Variants in FXR2 observed in about 807,000 individuals in gnomAD.
The protein encoded by FXR2 is FMR1 autosomal homolog 2.
FXR2 carries 9 observed loss-of-function variants against 87.3 expected under a neutral mutation model. That is an observed-to-expected ratio of 0.10 (90% CI 0.06 to 0.18). FXR2 has a LOEUF of 0.18. FXR2 is among the 10% of genes least tolerant of loss of function. The pLI, the probability that FXR2 is intolerant of heterozygous loss-of-function variation, is 1.00. For synonymous variants in FXR2, 331 were observed against 328.3 expected (o/e 1.01, Z -0.09); for missense variants, 661 against 893.6 (o/e 0.74, Z 3.32).
chr17:7,614,408 G>T (rs1194726152), intron 1 of FXR2, 44 bp downstream of exon 1: 1 of 1,388,902 alleles, frequency 7.2e-7, no homozygotes, highest in Non-Finnish European at 9.8e-7. Context: ...CCGGCCAGGG[G>T]AGGGGGCTAA....
At position 7,593,482 on chromosome 17, in the gene FXR2, G is replaced by A; in HGVS notation, c.1251C>T (p.Ser417=). 1 of 1,589,016 alleles carries A rather than the reference G, an allele frequency of 6.3e-7. No individual in the cohort carries two copies. Among genetic ancestry groups the A allele is most frequent in the South Asian group, 1.1e-5 (1 of 87,190 alleles). The change falls in exon 12 of 17, where the codon TCC becomes TCT. Residue 417 remains serine, a synonymous_variant. Transcript: ENST00000250113. This position sits in a 1 kb window ranked among gnomAD's most constrained non-coding sequence, Gnocchi z 6.1. ...CATAGGTTCGAGTCGCATGGAGGGA[G>A]GAGGAGGAGCTCTCATCAGTGCTAT... ...AGYSTDESSS[S]SLHATRTYGG... is the part of the protein sequence containing the mutation.
intron 1 of FXR2, among the ~76,000 whole-genome samples, chr17:7,611,749 A>G (rs2071866777): frequency 6.6e-6 from 1 of 152,102 alleles, no homozygotes. Context: ...ACCTTCCCAA[A>G]TGTACAATTC....
In FXR2 at chr17:7,592,168, G is replaced by C; in HGVS notation, c.1926+86C>G. 6.4e-7 allele frequency: 1 copy of C among 1,557,118 alleles called. No homozygotes were observed. Among genetic ancestry groups the C allele is most frequent in the Non-Finnish European group, 8.7e-7 (1 of 1,145,102 alleles). On this transcript the variant is annotated intron_variant, in intron 16 of 16. Transcript: ENST00000250113. This position sits in a 1 kb window ranked among gnomAD's most constrained non-coding sequence, Gnocchi z 4.8. ...CAGACACAGCTGCCTCTGCAATTCA[G>C]TAGGAGATTTGTGAAATTTTTTGTG... is the stretch of plus-strand genomic sequence containing the variant.
In FXR2 at chr17:7,614,700, G is replaced by T. The variant is rs1597886775; in HGVS notation, c.-168C>A. The T allele has an allele frequency of 3.2e-6, 1 of 312,848 alleles. No individual in the cohort carries two copies. The highest frequency in any genetic ancestry group is 5.4e-5 in the East Asian group (1 of 18,642). 19.4% of individuals were successfully genotyped at this position (312,848 alleles called of 1,614,324 possible). On this transcript the variant is annotated 5_prime_UTR_variant, in exon 1 of 17. Coordinates refer to ENST00000250113, the MANE Select transcript of FXR2 (RefSeq NM_004860.4). ...GCCCTGCCACAGCCAACGAGCAGGG[G>T]GCCGGGGCCGGGCCGCTCCCCGTCC...
At chr17:7,613,699 G>A (rs1012404584) in intron 1 of FXR2, among the ~76,000 whole-genome samples, 10 of 152,174 alleles carry the variant, frequency 6.6e-5, no homozygotes, top group African/African-American at 2.4e-4. Context: ...GCCTCAAGAC[G>A]AAGAAACTAT....
At position 7,592,169 on chromosome 17, in the gene FXR2, T is replaced by C. The variant is rs560797443; in HGVS notation, c.1926+85A>G. ...AGACACAGCTGCCTCTGCAATTCAGTAGGAGATTTGTGAAATTTTTTGTGC... is the reference window on the plus strand; with the variant it reads ...AGACACAGCTGCCTCTGCAATTCAGCAGGAGATTTGTGAAATTTTTTGTGC... On this transcript the variant is annotated intron_variant, in intron 16 of 16. Transcript: ENST00000250113. This position sits in a 1 kb window ranked among gnomAD's most constrained non-coding sequence, Gnocchi z 4.8. The C allele has an allele frequency of 4.8e-5, 75 of 1,554,360 alleles. No individual in the cohort carries two copies. Among genetic ancestry groups the C allele is most frequent in the Non-Finnish European group, 6.1e-5 (70 of 1,143,070 alleles).
intron 6 of FXR2, among the ~76,000 whole-genome samples, chr17:7,602,160 A>G (rs1178018160): frequency 6.6e-6 from 1 of 152,212 alleles, no homozygotes; most frequent in Non-Finnish European, 1.5e-5. Context: ...GTGGTGGCTC[A>G]CGCCTGTGAT....
At chr17:7,596,621 T>C (rs1481201613) in intron 7 of FXR2, 1 of 152,262 alleles carries the variant, frequency 6.6e-6, no homozygotes. Flanking sequence ...AAACAAAACA[T>C]ACTCTGCCTC....
chr17:7,606,009 T>A, intron 2 of FXR2, 88 bp downstream of exon 2: 1 of 862,254 alleles, frequency 1.2e-6, no homozygotes, highest in South Asian at 1.5e-5. Flanking sequence ...CCCAACCTAT[T>A]ACATGCCTCA....
rs2071694403 is a variant in FXR2, at chr17:7,594,814, G to A, written c.832-57C>T. ...AAACAGAAGACCAGCTGGATGTGGT[G>A]GCTCACGCCTGTAATCCCAGCACTT... On this transcript the variant is annotated intron_variant, in intron 8 of 16. Transcript: ENST00000250113. The surrounding 1 kb of genome is among the most constrained non-coding windows in gnomAD (Gnocchi z 5.1). 9.5e-7 allele frequency: 1 copy of A among 1,050,884 alleles called. No homozygotes were observed. The highest frequency in any genetic ancestry group is 1.3e-5 in the South Asian group (1 of 79,948). 65.1% of individuals were successfully genotyped at this position (1,050,884 alleles called of 1,614,324 possible).
intron 7 of FXR2, among the ~76,000 whole-genome samples, chr17:7,597,175 T>C (rs936011343): frequency 1.3e-5 from 2 of 152,076 alleles, no homozygotes; most frequent in African/African-American, 4.8e-5. Flanking sequence ...TCTCAATCAG[T>C]CCTTAGAGGA....
chr17:7,605,543 G>T lies in FXR2; in HGVS notation c.228+102C>A. 5.9e-6 allele frequency: 4 copies of T among 672,992 alleles called. No individual in the cohort carries two copies. The South Asian group carries it at 6.8e-5, about 11-fold the overall frequency. The allele number at this position is 672,992 out of a possible 1,614,324, so 41.7% of individuals were successfully genotyped here. A position where few individuals can be genotyped will look rare whatever the true frequency, so the allele number is the denominator to read the frequency against. ...TACATTTCCATAGGCTACATGGCTG[G>T]ATATGGCTTAGTTGGGGAGGAAGGA... On this transcript the variant is annotated intron_variant, in intron 3 of 16. Transcript: ENST00000250113.
chr17:7,600,794 G>A (rs2071748721), intron 7 of FXR2, among the ~76,000 whole-genome samples: 1 of 152,158 alleles, frequency 6.6e-6, no homozygotes, highest in Non-Finnish European at 1.5e-5. Context: ...TGAGGCGGGA[G>A]AATCGCTTGA....
At chr17:7,613,983 G>A (rs1445087960) in intron 1 of FXR2, 3 of 453,756 alleles carry the variant, frequency 6.6e-6, no homozygotes, top group Non-Finnish European at 1.3e-5. Flanking sequence ...AGAGCCAGTA[G>A]GCAGAGGCCT....
chr17:7,593,989 T>C lies in FXR2; in HGVS notation c.1036A>G (p.Ile346Val), dbSNP rs774047254. Residue 346 changes from isoleucine to valine, a missense_variant, in exon 11 of 17, where the codon ATT becomes GTT. Ile to Val is a conservative substitution (Grantham distance 29). This residue lies in a region of FXR2 where 82 missense variants were observed against 214.4 expected (regional missense o/e 0.38). Transcript: ENST00000250113. The surrounding 1 kb of genome is among the most constrained non-coding windows in gnomAD (Gnocchi z 6.1). ...NPREEGMVPFIFVGTRENISN... is the reference protein window; with the variant it reads ...NPREEGMVPFVFVGTRENISN... ...ATGTTCTCTCGGGTGCCAACAAAAA[T>C]GAAGGGAACCATTCCCTAGAGAACA... 6 of 1,604,310 alleles carry C rather than the reference T, an allele frequency of 3.7e-6. No individual in the cohort carries two copies. The East Asian group carries it at 1.3e-4, about 36-fold the overall frequency.
Position 7,613,767 on chromosome 17 carries a change from GA to G in FXR2, c.81+684del, listed in dbSNP as rs1491003998. 2.6e-5 allele frequency among the ~76,000 whole-genome samples: 4 copies of G among 152,336 alleles called. No homozygotes were observed. In the East Asian group the frequency reaches 7.7e-4, roughly 29 times the overall value. On this transcript the variant is annotated intron_variant, in intron 1 of 16. Coordinates refer to ENST00000250113, the MANE Select transcript of FXR2 (RefSeq NM_004860.4). Reference sequence around the variant, plus strand: ...GAGACCTCAAATCCATTCCTGAGTAGAATGGTAGAGCAGTGGGTCTTGAGAT... The same window carrying G: ...GAGACCTCAAATCCATTCCTGAGTAGATGGTAGAGCAGTGGGTCTTGAGAT...
rs764016657 is a variant in FXR2 at position 7,592,677 on chromosome 17, C to G, written c.1729+17G>C. ...CCTACCCATCTCTAACTTTCCAGAC[C>G]CCAGGCACACCCTCACCCAGGCCAT... is the stretch of plus-strand genomic sequence containing the variant. On this transcript the variant is annotated intron_variant, in intron 14 of 16. Transcript: ENST00000250113. The surrounding 1 kb of genome is among the most constrained non-coding windows in gnomAD (Gnocchi z 4.8). The G allele has an allele frequency of 5.0e-6, 8 of 1,613,308 alleles. No homozygotes were observed. The East Asian group carries it at 1.6e-4, about 31-fold the overall frequency.
rs765816110 is a variant in FXR2 at position 7,592,184 on chromosome 17, ATT to A, written c.1926+68_1926+69del. The A allele has an allele frequency of 1.1e-4, 176 of 1,551,248 alleles. 2 individuals are homozygous for A. The South Asian group carries it at 2.0e-3, about 18-fold the overall frequency. Reference sequence around the variant, plus strand: ...TGCAATTCAGTAGGAGATTTGTGAAATTTTTTGTGCCCCCTGCCCCAGAGTAA... The same window carrying A: ...TGCAATTCAGTAGGAGATTTGTGAAATTTTGTGCCCCCTGCCCCAGAGTAA... On this transcript the variant is annotated intron_variant, in intron 16 of 16. Transcript: ENST00000250113. The surrounding 1 kb of genome is among the most constrained non-coding windows in gnomAD (Gnocchi z 4.8).
At chr17:7,608,865 TGTA>T (rs2071826395) in intron 1 of FXR2, among the ~76,000 whole-genome samples, 1 of 152,216 alleles carries the variant, frequency 6.6e-6, no homozygotes, top group South Asian at 2.1e-4. Flanking sequence ...TCTACTTTGT[TGTA>T]TGTCAATTTC....
Sources: gnomAD v4.1 joint callset for allele counts (sites outside exome capture counted in the v4.1 genomes callset) on GRCh38, gnomAD v4.1.1 for gene constraint, gnomAD v4.1.1 regional missense constraint, Gnocchi (gnomAD v3.1) non-coding constraint, MANE v1.5 for transcripts, NCBI Gene and HGNC (gene_info 2026-07-23, HGNC 2026-07-21) for gene names.